C9orf153: variants seen among roughly 807,000 people sequenced by gnomAD.
C9orf153 encodes the protein uncharacterized protein C9orf153.
C9orf153 carries 10 observed loss-of-function variants against 9.0 expected under a neutral mutation model. The ratio of observed to expected loss-of-function variants is 1.11; its 90% CI spans 0.69 to 1.89. The LOEUF is 1.89. Ranked by LOEUF, C9orf153 falls within the 40% of genes most tolerant of loss-of-function variation. The pLI is 0.00. For synonymous variants in C9orf153, 35 were observed against 37.3 expected, an observed-to-expected ratio of 0.94 and a Z score of 0.23; for missense variants, 108 against 111.0, an observed-to-expected ratio of 0.97 and a Z score of 0.12.
chr9:86,229,581 C>G lies in C9orf153; in HGVS notation c.23G>C (p.Ser8Thr). The change falls in exon 2 of 4, where the codon AGT becomes ACT. Residue 8 changes from serine to threonine, a missense_variant. By Grantham distance (58) the Ser-to-Thr change is moderately conservative. Coordinates refer to ENST00000339137, the MANE Select transcript of C9orf153 (RefSeq NM_001276366.4). MFLTGDTSPAEDNREATL... is the reference protein window; with the variant it reads MFLTGDTTPAEDNREATL... ...GGCTTCTCTATTGTCCTCAGCTGGA[C>G]TGGTGTCTCCAGTGAGGAACATCGT... is the stretch of plus-strand genomic sequence containing the variant. The G allele has an allele frequency of 6.2e-7, 1 of 1,612,858 alleles. No homozygotes were observed. Among genetic ancestry groups the G allele is most frequent in the Non-Finnish European group, 8.5e-7 (1 of 1,178,938 alleles).
At chr9:86,240,707 C>CTTTTTTTTTTTTTTTT (rs367674249) in intron 1 of C9orf153, among the ~76,000 whole-genome samples, 3 of 117,012 alleles carry the variant, frequency 2.6e-5, no homozygotes, top group Non-Finnish European at 3.5e-5. Flanking sequence ...TTTTCTTTTT[C>CTTTTTTTTTTTTTTTT]TTTTTTTTTT....
rs55816418 is a variant in C9orf153 at position 86,259,543 on chromosome 9, C to A, written c.-27+7G>T. The A allele has an allele frequency of 0.45, 67,671 of 151,864 alleles. 15,258 individuals are homozygous for A. Among genetic ancestry groups the A allele is most frequent in the Middle Eastern group, 0.59 (174 of 294 alleles). The allele number at this position is 151,864 out of a possible 1,614,324, so 9.4% of individuals were successfully genotyped here. ...TGCCCCGTGGCTATGGCTGTAGATG[C>A]ACTTACCACTTGTTTTACAGTTGTC... On this transcript the variant is annotated splice_region_variant and intron_variant, in intron 1 of 3. Coordinates refer to ENST00000339137, the MANE Select transcript of C9orf153 (RefSeq NM_001276366.4).
At chr9:86,226,511 T>A (rs1824336783) in intron 3 of C9orf153, among the ~76,000 whole-genome samples, 1 of 151,738 alleles carries the variant, frequency 6.6e-6, no homozygotes, top group Non-Finnish European at 1.5e-5. Context: ...TTTTGTAGAG[T>A]CGGGGTTTTG....
chr9:86,245,822 G>C (rs547768039), intron 1 of C9orf153, among the ~76,000 whole-genome samples: 1 of 152,236 alleles, frequency 6.6e-6, no homozygotes, highest in African/African-American at 2.4e-5. Context: ...AAAAAGAAAA[G>C]ATTTATCACA....
chr9:86,227,623 G>A (rs1043083813), intron 3 of C9orf153: 45 of 985,252 alleles, frequency 4.6e-5, no homozygotes, highest in Admixed American at 2.5e-4. Context: ...TGCCTAAGCT[G>A]CATAAGATTT....
chr9:86,242,197 C>T (rs984919122), intron 1 of C9orf153, among the ~76,000 whole-genome samples: 1 of 151,994 alleles, frequency 6.6e-6, no homozygotes, highest in Non-Finnish European at 1.5e-5. Flanking sequence ...AAGGACCAGC[C>T]GGGGCAAAGG....
rs573380845 is a variant in C9orf153 at position 86,229,549 on chromosome 9, G to A, written c.55C>T (p.Pro19Ser). ...TGTTAAGTACATACTGAACATTGAG[G>A]AAGGGTGGCTTCTCTATTGTCCTCA... ...PAEDNREATL[P>S]QCSLPELYAC... Residue 19 changes from proline (P) to serine (S), a missense_variant, in exon 2 of 4, where the codon CCT (proline) becomes TCT (serine). Pro to Ser is a moderately conservative substitution (Grantham distance 74). Transcript: ENST00000339137. The A allele has an allele frequency of 1.9e-6, 3 of 1,609,686 alleles. No homozygotes were observed. The highest frequency in any genetic ancestry group is 4.5e-5 in the East Asian group (2 of 44,848).
intron 1 of C9orf153, among the ~76,000 whole-genome samples, chr9:86,240,377 C>CT (rs34559572): frequency 0.26 from 34,947 of 135,832 alleles, 4,776 homozygotes; most frequent in East Asian, 0.44. Context: ...TCTTCTTTTC[C>CT]TTTTTTTTTT....
At chr9:86,229,086 T>A (rs1824404275) in intron 2 of C9orf153, 2 of 161,022 alleles carry the variant, frequency 1.2e-5, no homozygotes, top group Non-Finnish European at 2.7e-5. Flanking sequence ...TGTAACTGTT[T>A]TAGAAATTGG....
intron 3 of C9orf153, among the ~76,000 whole-genome samples, chr9:86,224,040 A>C (rs1824264284): frequency 6.6e-6 from 1 of 152,136 alleles, no homozygotes; most frequent in African/African-American, 2.4e-5. Context: ...AGATTCCTTG[A>C]GCTCAGGAGT....
intron 1 of C9orf153, among the ~76,000 whole-genome samples, chr9:86,239,836 T>C (rs1824692525): frequency 6.6e-6 from 1 of 152,224 alleles, no homozygotes; most frequent in African/African-American, 2.4e-5. Flanking sequence ...CATTGTGATC[T>C]GCTTGAAGGA....
chr9:86,235,449 C>A (rs1227954739), intron 1 of C9orf153, among the ~76,000 whole-genome samples: 1 of 151,920 alleles, frequency 6.6e-6, no homozygotes, highest in Non-Finnish European at 1.5e-5. Flanking sequence ...CAGAACGTTC[C>A]AAACCTGAAA....
intron 3 of C9orf153, 82 bp downstream of exon 3, chr9:86,227,773 G>T: frequency 6.6e-7 from 1 of 1,516,078 alleles, no homozygotes. Flanking sequence ...GCCTCTCCAT[G>T]GGAGAGAGTG....
intron 1 of C9orf153, among the ~76,000 whole-genome samples, chr9:86,239,780 C>A (rs987756197): frequency 2.6e-5 from 4 of 152,070 alleles, no homozygotes; most frequent in Non-Finnish European, 5.9e-5. Flanking sequence ...GTAAATTATA[C>A]CTAAATAAAG....
intron 1 of C9orf153, among the ~76,000 whole-genome samples, chr9:86,236,564 AAAAG>A (rs1317557314): frequency 1.3e-5 from 2 of 151,446 alleles, no homozygotes; most frequent in Admixed American, 6.6e-5. Flanking sequence ...AAAAAAAAAA[AAAAG>A]AAAAGAAAAA....
At chr9:86,237,109 A>C (rs1051687102) in intron 1 of C9orf153, among the ~76,000 whole-genome samples, 3 of 152,118 alleles carry the variant, frequency 2.0e-5, no homozygotes, top group African/African-American at 7.2e-5. Context: ...GTGTAATTTG[A>C]AAGTGGTCTT....
chr9:86,238,209 C>T (rs375933425), intron 1 of C9orf153, among the ~76,000 whole-genome samples: 2 of 152,108 alleles, frequency 1.3e-5, no homozygotes, highest in Non-Finnish European at 2.9e-5. Flanking sequence ...ACCCCTCTAT[C>T]GAAAATGGAC....
chr9:86,228,061 G>A (rs751839306), intron 2 of C9orf153, 31 bp from the exon 3 acceptor site: 5 of 1,501,632 alleles, frequency 3.3e-6, no homozygotes, highest in South Asian at 1.3e-5. Context: ...GGTAAGTCAC[G>A]AGACTGACAA....
intron 1 of C9orf153, among the ~76,000 whole-genome samples, chr9:86,234,813 G>A (rs1040350416): frequency 1.3e-5 from 2 of 152,158 alleles, no homozygotes; most frequent in African/African-American, 2.4e-5. Context: ...ATCTGACAAG[G>A]AACTTGTATA....
Sources: gnomAD v4.1 joint callset for allele counts (sites outside exome capture counted in the v4.1 genomes callset) on GRCh38, gnomAD v4.1.1 for gene constraint, MANE v1.5 for transcripts, NCBI Gene and HGNC (gene_info 2026-07-23, HGNC 2026-07-21) for gene names.